Variants in HS6ST3 observed in about 807,000 individuals in gnomAD.
HS6ST3 encodes the protein heparan sulfate 6-O-sulfotransferase 3.
A neutral mutation model predicts 36.7 loss-of-function variants in HS6ST3; 12 were observed. That is an observed-to-expected ratio of 0.33 (90% confidence interval 0.21 to 0.53). The LOEUF (loss-of-function observed/expected upper bound fraction) is 0.53. Among genes scored for constraint, HS6ST3 ranks in the 20% least tolerant of loss-of-function variants. The pLI is 0.95. For missense variants in HS6ST3, 584 were observed against 640.9 expected, an observed-to-expected ratio of 0.91 and a Z score of 0.96; for synonymous variants, 240 against 257.5, an observed-to-expected ratio of 0.93 and a Z score of 0.65.
chr13:96,417,498 A>G (rs1162054190), intron 1 of HS6ST3, among the ~76,000 whole-genome samples: 1 of 151,616 alleles, frequency 6.6e-6, no homozygotes, highest in Non-Finnish European at 1.5e-5. Flanking sequence ...TCTTTACTAG[A>G]CTTGGATGTC....
intron 1 of HS6ST3, among the ~76,000 whole-genome samples, chr13:96,764,951 C>T (rs138533181): frequency 6.2e-4 from 94 of 151,210 alleles, no homozygotes; most frequent in African/African-American, 2.1e-3. Context: ...TTGGCCATGT[C>T]GTTAAGCCTA....
intron 1 of HS6ST3, among the ~76,000 whole-genome samples, chr13:96,124,147 G>A (rs1024987126): frequency 5.3e-5 from 8 of 152,178 alleles, no homozygotes; most frequent in Admixed American, 5.2e-4. Context: ...AAAGTAAAAT[G>A]TTCAGGAGCT....
intron 1 of HS6ST3, among the ~76,000 whole-genome samples, chr13:96,414,005 C>A (rs1334550406): frequency 3.9e-5 from 6 of 152,174 alleles, no homozygotes; most frequent in African/African-American, 1.2e-4. Flanking sequence ...TTAAACTGGA[C>A]AATAGCCAAA....
chr13:96,226,729 T>G (rs1392581468), intron 1 of HS6ST3, among the ~76,000 whole-genome samples: 1 of 152,226 alleles, frequency 6.6e-6, no homozygotes, highest in Non-Finnish European at 1.5e-5. Context: ...AGTTATATTC[T>G]TGGGGGCCTT....
At chr13:96,267,209 C>T (rs1386417941) in intron 1 of HS6ST3, among the ~76,000 whole-genome samples, 2 of 152,166 alleles carry the variant, frequency 1.3e-5, no homozygotes, top group Non-Finnish European at 2.9e-5. Context: ...GAGGCCTCCC[C>T]AGCCATGTGG....
intron 1 of HS6ST3, among the ~76,000 whole-genome samples, chr13:96,559,820 G>T (rs2056255430): frequency 6.6e-6 from 1 of 151,996 alleles, no homozygotes; most frequent in African/African-American, 2.4e-5. Context: ...TCATGCTTGA[G>T]AATAGGTTTT....
chr13:96,134,450 T>C (rs1437866175), intron 1 of HS6ST3, among the ~76,000 whole-genome samples: 1 of 152,034 alleles, frequency 6.6e-6, no homozygotes, highest in Non-Finnish European at 1.5e-5. Context: ...TTTGCTCTTT[T>C]TCTGATTTTT....
At chr13:96,304,661 A>C (rs185382317) in intron 1 of HS6ST3, among the ~76,000 whole-genome samples, 2 of 125,916 alleles carry the variant, frequency 1.6e-5, no homozygotes, top group East Asian at 4.9e-4. Flanking sequence ...GAACTACATG[A>C]GAATCACTGT....
At chr13:96,533,773 C>A (rs374499279) in intron 1 of HS6ST3, among the ~76,000 whole-genome samples, 3 of 152,316 alleles carry the variant, frequency 2.0e-5, no homozygotes. Flanking sequence ...TTTGATCCGG[C>A]CTTGAGGTCT....
At chr13:96,780,267 T>G (rs966532703) in intron 1 of HS6ST3, among the ~76,000 whole-genome samples, 62 of 152,334 alleles carry the variant, frequency 4.1e-4, no homozygotes, top group African/African-American at 1.4e-3. Context: ...TTTGGTGTTA[T>G]GCCAAGTGTT....
At chr13:96,169,178 T>C (rs930594515) in intron 1 of HS6ST3, among the ~76,000 whole-genome samples, 3 of 152,152 alleles carry the variant, frequency 2.0e-5, no homozygotes, top group Non-Finnish European at 4.4e-5. Flanking sequence ...TTTGCTGAGC[T>C]CTGCCCGCCT....
intron 1 of HS6ST3, among the ~76,000 whole-genome samples, chr13:96,339,341 C>G: frequency 6.6e-6 from 1 of 152,080 alleles, no homozygotes; most frequent in East Asian, 1.9e-4. Context: ...CAAGCAGACA[C>G]AGGGAGGTGG....
At chr13:96,514,885 G>A (rs894436257) in intron 1 of HS6ST3, among the ~76,000 whole-genome samples, 4 of 151,964 alleles carry the variant, frequency 2.6e-5, no homozygotes, top group African/African-American at 9.7e-5. Flanking sequence ...GCAAGTGATT[G>A]TCTGGTAGCA....
intron 1 of HS6ST3, among the ~76,000 whole-genome samples, chr13:96,450,545 T>G (rs1361087507): frequency 2.6e-5 from 4 of 152,212 alleles, no homozygotes; most frequent in Admixed American, 2.6e-4. Flanking sequence ...GAGTATTTTT[T>G]CCATACCCTG....
chr13:96,259,971 TG>T (rs1187826170), intron 1 of HS6ST3, among the ~76,000 whole-genome samples: 3 of 152,156 alleles, frequency 2.0e-5, no homozygotes, highest in Non-Finnish European at 2.9e-5. Flanking sequence ...ATTATTTTCT[TG>T]GTGGTGCCCT....
intron 1 of HS6ST3, among the ~76,000 whole-genome samples, chr13:96,429,929 C>A (rs770004725): frequency 2.6e-5 from 4 of 152,134 alleles, no homozygotes; most frequent in Non-Finnish European, 5.9e-5. Flanking sequence ...AAATATTTTT[C>A]TATTGTAGAT....
At chr13:96,448,218 C>T (rs1156690996) in intron 1 of HS6ST3, among the ~76,000 whole-genome samples, 5 of 152,150 alleles carry the variant, frequency 3.3e-5, no homozygotes, top group South Asian at 2.1e-4. Context: ...CTTTAAAAAT[C>T]GGCCCACTAA....
intron 1 of HS6ST3, among the ~76,000 whole-genome samples, chr13:96,510,014 T>A (rs2056042702): frequency 2.0e-5 from 3 of 152,178 alleles, no homozygotes; most frequent in Admixed American, 2.0e-4. Flanking sequence ...CATCTATGAT[T>A]TATTTCAGCA....
intron 1 of HS6ST3, among the ~76,000 whole-genome samples, chr13:96,423,459 TG>T (rs2055570793): frequency 6.6e-6 from 1 of 151,822 alleles, no homozygotes; most frequent in Non-Finnish European, 1.5e-5. Context: ...GTAGATTGGC[TG>T]GAGAGTGTGC....
Sources: gnomAD v4.1 joint callset for allele counts (sites outside exome capture counted in the v4.1 genomes callset) on GRCh38, gnomAD v4.1.1 for gene constraint, MANE v1.5 for transcripts, NCBI Gene and HGNC (gene_info 2026-07-23, HGNC 2026-07-21) for gene names.